Variants in ZC3H12B observed in about 807,000 individuals in gnomAD.
ZC3H12B encodes the protein zinc finger CCCH-type containing 12B.
A neutral mutation model predicts 43.9 loss-of-function variants in ZC3H12B; 7 were observed. The ratio of observed to expected loss-of-function variants is 0.16; its 90% CI spans 0.09 to 0.30. The LOEUF (loss-of-function observed/expected upper bound fraction) is 0.30. ZC3H12B is among the 10% of genes least tolerant of loss of function. ZC3H12B has a pLI of 1.00. For missense variants in ZC3H12B, 475 were observed against 670.2 expected, an observed-to-expected ratio of 0.71 and a Z score of 3.22; for synonymous variants, 222 against 241.7, an observed-to-expected ratio of 0.92 and a Z score of 0.76.
chrX:65,160,302 T>C, the ZC3H12B span, among the ~76,000 whole-genome samples: 2 of 111,348 alleles, frequency 1.8e-5, no homozygotes, highest in African/African-American at 6.5e-5. Flanking sequence ...GGATTCCTTC[T>C]TTTGTATTGA....
chrX:65,372,818 A>T (rs2066266455), intron 2 of ZC3H12B, among the ~76,000 whole-genome samples: 1 of 112,470 alleles, frequency 8.9e-6, no homozygotes, highest in Non-Finnish European at 1.9e-5. Flanking sequence ...TAGGAATCAA[A>T]TTCATTAAAT....
At chrX:65,410,263 G>T (rs1282693266) in intron 3 of ZC3H12B, among the ~76,000 whole-genome samples, 1 of 111,517 alleles carries the variant, frequency 9.0e-6, no homozygotes, top group Non-Finnish European at 1.9e-5. Flanking sequence ...ATATCCATGT[G>T]CAGAAAGATG....
the ZC3H12B span, among the ~76,000 whole-genome samples, chrX:65,079,811 G>A: frequency 9.0e-6 from 1 of 110,947 alleles, no homozygotes; most frequent in Middle Eastern, 4.7e-3. Flanking sequence ...TCAATACCCA[G>A]ACACCAAAGA....
chrX:65,154,261 A>T, the ZC3H12B span, among the ~76,000 whole-genome samples: 2 of 112,338 alleles, frequency 1.8e-5, no homozygotes, highest in African/African-American at 6.5e-5. Flanking sequence ...TAAATTAAAA[A>T]AAATTTTCTC....
chrX:65,393,393 T>G (rs1368789226), intron 2 of ZC3H12B, among the ~76,000 whole-genome samples: 1 of 111,475 alleles, frequency 9.0e-6, no homozygotes, highest in Admixed American at 9.5e-5. Flanking sequence ...CAACCCGTCA[T>G]CTAGGTTTTA....
At chrX:65,289,225 C>T in the ZC3H12B span, among the ~76,000 whole-genome samples, 5 of 110,543 alleles carry the variant, frequency 4.5e-5, no homozygotes, top group African/African-American at 1.3e-4. Flanking sequence ...TTATTCACAA[C>T]GTTAGAAAAA....
the ZC3H12B span, among the ~76,000 whole-genome samples, chrX:65,322,117 G>A: frequency 9.0e-6 from 1 of 111,521 alleles, no homozygotes; most frequent in Non-Finnish European, 1.9e-5. Flanking sequence ...GCTGCTTCCA[G>A]TCATGTTCGA....
At chrX:65,369,656 A>T (rs777931392) in intron 2 of ZC3H12B, among the ~76,000 whole-genome samples, 1 of 112,034 alleles carries the variant, frequency 8.9e-6, no homozygotes, top group Non-Finnish European at 1.9e-5. Context: ...AAAAAATTGC[A>T]CTAGAGAAAG....
At chrX:65,065,608 C>T in the ZC3H12B span, among the ~76,000 whole-genome samples, 23 of 111,095 alleles carry the variant, frequency 2.1e-4, no homozygotes, top group Non-Finnish European at 3.4e-4. Flanking sequence ...GTGAATCTGA[C>T]GATTATGTGT....
the ZC3H12B span, among the ~76,000 whole-genome samples, chrX:65,343,240 C>A: frequency 6.3e-5 from 7 of 111,252 alleles, no homozygotes; most frequent in Non-Finnish European, 1.3e-4. Flanking sequence ...AAGCTCTGCC[C>A]AGATGTATAA....
At chrX:65,432,661 C>T (rs1047293471) in intron 3 of ZC3H12B, among the ~76,000 whole-genome samples, 2 of 111,792 alleles carry the variant, frequency 1.8e-5, no homozygotes, top group African/African-American at 6.5e-5. Context: ...TCCAGATGAG[C>T]CCCCTAGACA....
chrX:65,158,304 A>T, the ZC3H12B span, among the ~76,000 whole-genome samples: 2 of 111,360 alleles, frequency 1.8e-5, no homozygotes, highest in Non-Finnish European at 3.8e-5. Flanking sequence ...GGAATGGCTG[A>T]GTCAAATGGT....
chrX:65,320,339 G>A, the ZC3H12B span, among the ~76,000 whole-genome samples: 2 of 111,275 alleles, frequency 1.8e-5, no homozygotes, highest in African/African-American at 6.5e-5. Context: ...CAGCTAACCA[G>A]GAAGGTTAAA....
chrX:65,311,812 C>T, the ZC3H12B span, among the ~76,000 whole-genome samples: 11 of 111,369 alleles, frequency 9.9e-5, no homozygotes, highest in Non-Finnish European at 2.1e-4. Flanking sequence ...TACTATGCAG[C>T]CATAAAAAAG....
chrX:65,191,648 C>T, the ZC3H12B span, among the ~76,000 whole-genome samples: 4 of 10,623 alleles, frequency 3.8e-4, no homozygotes, highest in African/African-American at 6.7e-4. Context: ...TGGTGATATC[C>T]CCTTTATAAT....
chrX:65,093,742 T>A, the ZC3H12B span, among the ~76,000 whole-genome samples: 1 of 112,246 alleles, frequency 8.9e-6, no homozygotes, highest in African/African-American at 3.2e-5. Flanking sequence ...AATTTGCTTT[T>A]GATTTTACAG....
chrX:65,460,948 A>G (rs1242851809), intron 3 of ZC3H12B, among the ~76,000 whole-genome samples: 4 of 111,970 alleles, frequency 3.6e-5, no homozygotes, highest in Admixed American at 2.8e-4. Context: ...GAAAATTTTC[A>G]CAACCTACTC....
the ZC3H12B span, among the ~76,000 whole-genome samples, chrX:65,202,177 A>ATGTAATATATATTTTC: frequency 1.4e-5 from 1 of 71,715 alleles, no homozygotes; most frequent in African/African-American, 1.1e-4. Context: ...TATATATTAT[A>ATGTAATATATATTTTC]TGTAATATAT....
At chrX:65,318,774 G>T in the ZC3H12B span, among the ~76,000 whole-genome samples, 196 of 109,861 alleles carry the variant, frequency 1.8e-3, 1 homozygote, top group African/African-American at 6.5e-3. Flanking sequence ...CCCACTTTTT[G>T]TTGGGATTTT....
Sources: gnomAD v4.1 joint callset for allele counts (sites outside exome capture counted in the v4.1 genomes callset) on GRCh38, gnomAD v4.1.1 for gene constraint, MANE v1.5 for transcripts, NCBI Gene and HGNC (gene_info 2026-07-23, HGNC 2026-07-21) for gene names.